SLC25A26: variants seen among roughly 807,000 people sequenced by gnomAD.
SLC25A26 encodes mitochondrial S-adenosylmethionine carrier protein.
SLC25A26 carries 36 observed loss-of-function variants against 37.8 expected under a neutral mutation model. The ratio of observed to expected loss-of-function variants is 0.95; its 90% confidence interval spans 0.73 to 1.26. SLC25A26 has a LOEUF of 1.26. SLC25A26 is among the 50% of genes most tolerant of loss of function. SLC25A26 has a pLI of 0.00. For synonymous variants in SLC25A26, 129 were observed against 122.5 expected, an observed-to-expected ratio of 1.05 and a Z score of -0.35; for missense variants, 390 against 331.1, an observed-to-expected ratio of 1.18 and a Z score of -1.38.
chr3:66,357,887 A>G (rs755538317), intron 6 of SLC25A26, among the ~76,000 whole-genome samples: 19 of 152,206 alleles, frequency 1.2e-4, no homozygotes, highest in Admixed American at 2.6e-4. Flanking sequence ...CCCATTTACT[A>G]TCTATGTGAC....
chr3:66,265,963 G>A (rs1401189972), intron 5 of SLC25A26, among the ~76,000 whole-genome samples: 1 of 152,136 alleles, frequency 6.6e-6, no homozygotes, highest in East Asian at 1.9e-4. Flanking sequence ...GAGAATACTG[G>A]TTTTACATAC....
At chr3:66,204,004 G>A (rs2071141497) in intron 1 of SLC25A26, among the ~76,000 whole-genome samples, 1 of 152,138 alleles carries the variant, frequency 6.6e-6, no homozygotes, top group African/African-American at 2.4e-5. Flanking sequence ...AGAGAAGAAT[G>A]GAATATTCTA....
chr3:66,376,285 G>A (rs189061849), intron 9 of SLC25A26, among the ~76,000 whole-genome samples: 1 of 152,238 alleles, frequency 6.6e-6, no homozygotes, highest in Admixed American at 6.5e-5. Flanking sequence ...AGAAAACAGT[G>A]GCAGAGTTGA....
chr3:66,312,866 A>C (rs1311096733), intron 5 of SLC25A26, among the ~76,000 whole-genome samples: 11 of 152,144 alleles, frequency 7.2e-5, no homozygotes. Flanking sequence ...TGAACCGGGT[A>C]CCTCAGTTGG....
intron 1 of SLC25A26, among the ~76,000 whole-genome samples, chr3:66,169,655 G>A (rs922113881): frequency 6.6e-6 from 1 of 152,122 alleles, no homozygotes; most frequent in African/African-American, 2.4e-5. Flanking sequence ...CCAGTGCCTA[G>A]AAACAATGTC....
chr3:66,185,825 A>G (rs1478299320), intron 1 of SLC25A26, among the ~76,000 whole-genome samples: 1 of 151,968 alleles, frequency 6.6e-6, no homozygotes, highest in African/African-American at 2.4e-5. Context: ...AGACCCTGAA[A>G]TTAACCCCTA....
At chr3:66,182,395 A>G (rs1245602805) in intron 1 of SLC25A26, among the ~76,000 whole-genome samples, 1 of 152,150 alleles carries the variant, frequency 6.6e-6, no homozygotes, top group East Asian at 1.9e-4. Context: ...GGGATTATGT[A>G]AGAGTTATGG....
At chr3:66,165,781 T>A (rs1315758726) in intron 1 of SLC25A26, among the ~76,000 whole-genome samples, 2 of 152,090 alleles carry the variant, frequency 1.3e-5, no homozygotes, top group Non-Finnish European at 2.9e-5. Context: ...CCCATCAATC[T>A]TGAAAAACAA....
chr3:66,267,143 A>T (rs1349415297), intron 5 of SLC25A26, among the ~76,000 whole-genome samples: 1 of 152,218 alleles, frequency 6.6e-6, no homozygotes, highest in East Asian at 1.9e-4. Context: ...TAAGCACTGT[A>T]ATGATAAGTA....
At chr3:66,241,798 A>C (rs2072598106) in intron 2 of SLC25A26, among the ~76,000 whole-genome samples, 1 of 152,186 alleles carries the variant, frequency 6.6e-6, no homozygotes, top group Middle Eastern at 3.4e-3. Flanking sequence ...CCTATGCTGC[A>C]GGAGTGAGGG....
intron 5 of SLC25A26, among the ~76,000 whole-genome samples, chr3:66,297,533 GCAGTTTTGC>G (rs1429809415): frequency 7.2e-5 from 11 of 152,132 alleles, no homozygotes; most frequent in African/African-American, 2.7e-4. Flanking sequence ...AGGTCTAGTT[GCAGTTTTGC>G]CACTCGCTAT....
At chr3:66,163,401 C>A (rs1462610477) in intron 1 of SLC25A26, among the ~76,000 whole-genome samples, 1 of 152,196 alleles carries the variant, frequency 6.6e-6, no homozygotes, top group Non-Finnish European at 1.5e-5. Flanking sequence ...CATGTGCTAT[C>A]TTCTCATCTT....
intron 5 of SLC25A26, among the ~76,000 whole-genome samples, chr3:66,343,607 A>G (rs1411564227): frequency 1.3e-5 from 2 of 152,242 alleles, no homozygotes; most frequent in East Asian, 1.9e-4. Context: ...TTCAAAATCT[A>G]AAGTATTAAG....
At position 66,170,035 on chromosome 3, in the gene SLC25A26, A is replaced by G. The variant is rs946655750; in HGVS notation, c.-354+36051A>G. Among the ~76,000 whole-genome samples, 22 of 152,188 alleles carry G rather than the reference A, an allele frequency of 1.4e-4. No homozygotes were observed. In the East Asian group the frequency reaches 3.7e-3, roughly 25 times the overall value. ...TAACCCGATTCTGCTCCATAAAATC[A>G]CACACTTGGGCAACCAGTATTTTTG... is the stretch of plus-strand genomic sequence containing the variant. On this transcript the variant is annotated intron_variant, in intron 1 of 10. Coordinates refer to the SLC25A26 transcript ENST00000676754.
chr3:66,200,334 G>T (rs879234780), intron 1 of SLC25A26, among the ~76,000 whole-genome samples: 3 of 152,056 alleles, frequency 2.0e-5, no homozygotes, highest in African/African-American at 7.2e-5. Flanking sequence ...GGCAGGTGCC[G>T]GGTGGGGTAA....
intron 1 of SLC25A26, among the ~76,000 whole-genome samples, chr3:66,154,215 G>C (rs28409538): frequency 0.37 from 56,463 of 151,988 alleles, 10,707 homozygotes; most frequent in African/African-American, 0.44. Flanking sequence ...GAGACCCCGG[G>C]CATTTATACA....
In SLC25A26 at chr3:66,367,559, G is replaced by T. The variant is rs551120154; in HGVS notation, c.569-1919G>T. On this transcript the variant is annotated intron_variant, in intron 7 of 9. Coordinates refer to ENST00000354883, the MANE Select transcript of SLC25A26 (RefSeq NM_001379210.1). ...TCTTTCAGGCTAGACCGTGCTGCTG[G>T]TAAGGGAAACAAAACCAAATCTGTT... Among the ~76,000 whole-genome samples the T allele has an allele frequency of 2.0e-3, 308 of 152,290 alleles. 1 individual carries two copies. Among genetic ancestry groups the T allele is most frequent in the Admixed American group, 4.1e-3 (62 of 15,304 alleles).
intron 5 of SLC25A26, among the ~76,000 whole-genome samples, chr3:66,290,530 G>A (rs773956177): frequency 1.6e-4 from 24 of 152,158 alleles, no homozygotes; most frequent in Non-Finnish European, 3.2e-4. Context: ...ATGAAGAGAT[G>A]TTGAATTTTA....
chr3:66,144,400 C>T (rs1435438802), intron 1 of SLC25A26, among the ~76,000 whole-genome samples: 1 of 152,058 alleles, frequency 6.6e-6, no homozygotes, highest in African/African-American at 2.4e-5. Flanking sequence ...AACTCTAGAC[C>T]CGTGGTTGTC....
Sources: allele counts gnomAD v4.1 joint callset (sites outside exome capture counted in the v4.1 genomes callset), GRCh38; gene constraint gnomAD v4.1.1; transcripts MANE v1.5; gene names NCBI Gene and HGNC (gene_info 2026-07-23, HGNC 2026-07-21).